KSR2: variants seen among roughly 807,000 people sequenced by gnomAD.
The protein encoded by KSR2 is kinase suppressor of ras 2.
A neutral mutation model predicts 107.8 loss-of-function variants in KSR2; 25 were observed. The observed-to-expected ratio is 0.23, with a 90% confidence interval of 0.17 to 0.32. The LOEUF (loss-of-function observed/expected upper bound fraction) is 0.32, where lower values mean the gene tolerates loss of function less well. KSR2 is among the 10% of genes least tolerant of loss of function. The pLI is 1.00. For missense variants in KSR2, 887 were observed against 1,268.9 expected (o/e 0.70, Z 4.57); for synonymous variants, 480 against 507.0 (o/e 0.95, Z 0.71).
At chr12:117,764,887 G>A (rs1024293917) in intron 3 of KSR2, among the ~76,000 whole-genome samples, 1 of 152,076 alleles carries the variant, frequency 6.6e-6, no homozygotes, top group African/African-American at 2.4e-5. Flanking sequence ...TAAAACTCAG[G>A]GACTACTATG....
intron 3 of KSR2, among the ~76,000 whole-genome samples, chr12:117,840,741 G>A (rs1250322209): frequency 6.6e-6 from 1 of 151,230 alleles, no homozygotes; most frequent in Non-Finnish European, 1.5e-5. Flanking sequence ...GGTGGCTTAC[G>A]CCTATAATCC....
At chr12:117,967,316 C>T (rs531456272) in intron 1 of KSR2, among the ~76,000 whole-genome samples, 21 of 152,258 alleles carry the variant, frequency 1.4e-4, no homozygotes, top group Non-Finnish European at 2.5e-4. Flanking sequence ...TCCTCCTCCC[C>T]GACCCCTTTC....
chr12:117,668,932 A>G (rs1884784316), intron 4 of KSR2, among the ~76,000 whole-genome samples: 1 of 152,106 alleles, frequency 6.6e-6, no homozygotes, highest in Non-Finnish European at 1.5e-5. Context: ...ATATTTGTTG[A>G]ATGATCTCTA....
At chr12:117,839,661 C>T (rs1250197152) in intron 3 of KSR2, among the ~76,000 whole-genome samples, 2 of 152,228 alleles carry the variant, frequency 1.3e-5, no homozygotes, top group East Asian at 1.9e-4. Flanking sequence ...TGACTATGGC[C>T]GAAGATCGAC....
intron 4 of KSR2, among the ~76,000 whole-genome samples, chr12:117,712,904 A>G (rs1886840153): frequency 6.6e-6 from 1 of 152,088 alleles, no homozygotes; most frequent in Admixed American, 6.5e-5. Context: ...ATATAGAGCT[A>G]TATCTTTAGA....
Position 117,491,597 on chromosome 12 carries a change from G to A in KSR2, c.2220-5906C>T, listed in dbSNP as rs924412682. Among the ~76,000 whole-genome samples, 14 of 152,216 alleles carry A rather than the reference G, an allele frequency of 9.2e-5. No individual in the cohort carries two copies. In the South Asian group the frequency reaches 1.2e-3, roughly 14 times the overall value. On this transcript the variant is annotated intron_variant, in intron 14 of 19. Transcript: ENST00000339824. The stretch of plus-strand genomic sequence containing the variant: ...TTTTAAGGCTGAATAATACTCCGCC[G>A]CATTTATATGCCACATTTTCTTGAT...
At chr12:117,484,351 C>T in intron 16 of KSR2, 65 bp downstream of exon 16, 1 of 1,586,728 alleles carries the variant, frequency 6.3e-7, no homozygotes, top group Non-Finnish European at 8.6e-7. Context: ...GCCATTTGGA[C>T]TAACTTCCCA....
intron 4 of KSR2, among the ~76,000 whole-genome samples, chr12:117,738,409 G>A (rs555563149): frequency 2.6e-5 from 4 of 152,300 alleles, no homozygotes; most frequent in South Asian, 2.1e-4. Flanking sequence ...CCTAGATGAC[G>A]TAGCCTACTA....
intron 7 of KSR2, among the ~76,000 whole-genome samples, chr12:117,562,997 T>C (rs2137367317): frequency 6.6e-6 from 1 of 152,234 alleles, no homozygotes; most frequent in South Asian, 2.1e-4. Context: ...TTACACAGAC[T>C]CTGGAGACAG....
Position 117,596,194 on chromosome 12 carries a change from C to T in KSR2, c.1172-13835G>A, listed in dbSNP as rs534319016. Among the ~76,000 whole-genome samples, 20 of 152,168 alleles carry T rather than the reference C, an allele frequency of 1.3e-4. 1 individual carries two copies. The highest frequency in any genetic ancestry group is 1.2e-3 in the South Asian group (6 of 4,812). ...GAGGCCTCACAATCATGGCGGAAGG[C>T]GAAAGGCACGTCTTACATGGCAGCA... On this transcript the variant is annotated intron_variant, in intron 5 of 19. Coordinates refer to ENST00000339824, the MANE Select transcript of KSR2 (RefSeq NM_173598.6).
chr12:117,681,747 G>A (rs61937660), intron 4 of KSR2, among the ~76,000 whole-genome samples: 19,904 of 152,072 alleles, frequency 0.13, 1,329 homozygotes, highest in East Asian at 0.25. Context: ...AGTTTTCTGC[G>A]TATGGCTAGC....
At chr12:117,487,451 G>C (rs371325954) in intron 14 of KSR2, among the ~76,000 whole-genome samples, 32 of 152,336 alleles carry the variant, frequency 2.1e-4, no homozygotes, top group African/African-American at 7.5e-4. Context: ...GAATGAGTCA[G>C]GGCTGACCCT....
intron 6 of KSR2, among the ~76,000 whole-genome samples, chr12:117,581,120 TA>T (rs1193641875): frequency 2.0e-5 from 3 of 152,236 alleles, no homozygotes; most frequent in Non-Finnish European, 4.4e-5. Flanking sequence ...TTTTCTCATT[TA>T]AGTCTTAACA....
intron 3 of KSR2, among the ~76,000 whole-genome samples, chr12:117,792,350 TAA>T (rs34784722): frequency 6.9e-6 from 1 of 145,978 alleles, no homozygotes; most frequent in Admixed American, 6.8e-5. Flanking sequence ...ACACTGTCTT[TAA>T]AAAAAAAAAG....
intron 3 of KSR2, among the ~76,000 whole-genome samples, chr12:117,819,657 A>G (rs1891494303): frequency 6.6e-6 from 1 of 152,222 alleles, no homozygotes; most frequent in South Asian, 2.1e-4. Flanking sequence ...GGTAATACAA[A>G]AATATTCAGA....
chr12:117,908,670 C>G (rs1566077524), intron 1 of KSR2, among the ~76,000 whole-genome samples: 1 of 152,098 alleles, frequency 6.6e-6, no homozygotes, highest in East Asian at 1.9e-4. Context: ...AGAAACACGC[C>G]AACATTCTAA....
chr12:117,956,772 ATTTT>A (rs201050720), intron 1 of KSR2, among the ~76,000 whole-genome samples: 2 of 151,386 alleles, frequency 1.3e-5, no homozygotes, highest in African/African-American at 4.9e-5. Context: ...TCTTAAAAAA[ATTTT>A]TTTTAATTTT....
intron 13 of KSR2, among the ~76,000 whole-genome samples, chr12:117,526,394 C>T (rs946744151): frequency 2.0e-5 from 3 of 152,196 alleles, no homozygotes; most frequent in Non-Finnish European, 4.4e-5. Context: ...ATGAAACAGC[C>T]TGAGAAGGTG....
At chr12:117,817,399 C>T (rs1891412185) in intron 3 of KSR2, among the ~76,000 whole-genome samples, 1 of 152,046 alleles carries the variant, frequency 6.6e-6, no homozygotes. Flanking sequence ...ACCGATGTTC[C>T]CAAGTAAAAA....
Sources: allele counts gnomAD v4.1 joint callset (sites outside exome capture counted in the v4.1 genomes callset), GRCh38; gene constraint gnomAD v4.1.1; transcripts MANE v1.5; gene names NCBI Gene and HGNC (gene_info 2026-07-23, HGNC 2026-07-21).